The following FAM78B variants were observed in gnomAD, a reference collection of about 807,000 sequenced individuals.
The protein encoded by FAM78B is protein FAM78B.
Under a neutral mutation model 20.0 loss-of-function variants are expected in FAM78B, and 10 were observed. The ratio of observed to expected loss-of-function variants is 0.50; its 90% CI spans 0.31 to 0.85. The LOEUF (loss-of-function observed/expected upper bound fraction) is 0.85. Ranked by LOEUF, FAM78B falls within the 40% of genes least tolerant of loss-of-function variation. The pLI, the probability that FAM78B is intolerant of heterozygous loss-of-function variation, is 0.05. For synonymous variants in FAM78B, 135 were observed against 132.8 expected (o/e 1.02, Z -0.12); for missense variants, 283 against 345.0 (o/e 0.82, Z 1.42).
rs541333909 is a variant in FAM78B, at chr1:166,122,303, C to T, written c.263+43683G>A. ...AAAGCAGGAGAGATGGAAAACACCC[C>T]AGATGAGTAGGGTTTCTAACAGCCA... On this transcript the variant is annotated intron_variant, in intron 1 of 1. Transcript: ENST00000354422. Among the ~76,000 whole-genome samples the T allele has an allele frequency of 5.3e-5, 8 of 152,242 alleles. No homozygotes were observed. The South Asian group carries it at 1.7e-3, about 32-fold the overall frequency.
At chr1:166,089,764 A>G (rs1652991517) in intron 1 of FAM78B, among the ~76,000 whole-genome samples, 1 of 152,076 alleles carries the variant, frequency 6.6e-6, no homozygotes, top group Non-Finnish European at 1.5e-5. Context: ...TCCCTGTGTT[A>G]TGGGGTGGCC....
intron 1 of FAM78B, among the ~76,000 whole-genome samples, chr1:166,116,144 G>C (rs142259504): frequency 6.6e-6 from 1 of 152,162 alleles, no homozygotes; most frequent in Admixed American, 6.5e-5. Context: ...GCTTTCATGT[G>C]TCCTGTGGCT....
intron 1 of FAM78B, among the ~76,000 whole-genome samples, chr1:166,074,491 T>G (rs1652188988): frequency 6.6e-6 from 1 of 152,234 alleles, no homozygotes; most frequent in Admixed American, 6.5e-5. Flanking sequence ...GACTTATTTT[T>G]GAATCATTAG....
At chr1:166,103,455 G>A (rs1653614545) in intron 1 of FAM78B, among the ~76,000 whole-genome samples, 2 of 152,072 alleles carry the variant, frequency 1.3e-5, no homozygotes, top group African/African-American at 4.8e-5. Flanking sequence ...ATAGACGTTA[G>A]CAAGACTAAT....
chr1:166,114,217 C>T (rs1425980632), intron 1 of FAM78B, among the ~76,000 whole-genome samples: 1 of 152,194 alleles, frequency 6.6e-6, no homozygotes, highest in Non-Finnish European at 1.5e-5. Context: ...CATGATCCAA[C>T]TAAATTCTTG....
At chr1:166,099,817 C>A (rs571793762) in intron 1 of FAM78B, among the ~76,000 whole-genome samples, 1 of 152,224 alleles carries the variant, frequency 6.6e-6, no homozygotes, top group Admixed American at 6.5e-5. Context: ...GACAACAACA[C>A]AATAATGGTA....
In FAM78B at chr1:166,083,221, G is replaced by A. The variant is rs146223658; in HGVS notation, c.264-12458C>T. 3.5e-3 allele frequency among the ~76,000 whole-genome samples: 529 copies of A among 152,282 alleles called. 5 individuals carry two copies. Among genetic ancestry groups the A allele is most frequent in the Admixed American group, 7.7e-3 (117 of 15,292 alleles). Reference sequence around the variant, plus strand: ...CTTATCTATAGTTGTGGGACTATAGGAGTTTTCTCTTTATTTTGTGAATAT... The same window carrying A: ...CTTATCTATAGTTGTGGGACTATAGAAGTTTTCTCTTTATTTTGTGAATAT... On this transcript the variant is annotated intron_variant, in intron 1 of 1. Transcript: ENST00000354422.
Position 166,069,503 on chromosome 1 carries a change from G to A in FAM78B, c.*738C>T, listed in dbSNP as rs1365869780. On this transcript the variant is annotated 3_prime_UTR_variant, in exon 2 of 2. Transcript: ENST00000354422. ...TATTGCAGAATGTGGGAATTACAAA[G>A]CCAAATACTGTGATTAAAAATACTC... is the stretch of plus-strand genomic sequence containing the variant. The A allele has an allele frequency of 6.6e-6, 1 of 152,162 alleles. No homozygotes were observed. Among genetic ancestry groups the A allele is most frequent in the African/African-American group, 2.4e-5 (1 of 41,438 alleles). The allele number at this position is 152,162 out of a possible 1,614,324, so 9.4% of individuals were successfully genotyped here.
intron 1 of FAM78B, among the ~76,000 whole-genome samples, chr1:166,136,517 G>A (rs1401879101): frequency 1.3e-5 from 2 of 152,156 alleles, no homozygotes; most frequent in Admixed American, 1.3e-4. Flanking sequence ...TCTCATTCCA[G>A]TGTTATTATG....
In FAM78B at chr1:166,070,717, T is replaced by A. The variant is rs201590163; in HGVS notation, c.310A>T (p.Ile104Phe). The change falls in exon 2 of 2, where the codon ATC becomes TTC. Residue 104 changes from isoleucine to phenylalanine, a missense_variant. Coordinates refer to ENST00000354422, the MANE Select transcript of FAM78B (RefSeq NM_001017961.5). ...TAGCTCACCCCATCTGAGTCACTGA[T>A]GGCTTTTACTCTCCCTTCCCTCAAG... Reference protein sequence around the residue: ...PDLREGRVKAISDSDGVSYPW... With the variant: ...PDLREGRVKAFSDSDGVSYPW... 6.2e-7 allele frequency: 1 copy of A among 1,602,836 alleles called. No individual in the cohort carries two copies. The highest frequency in any genetic ancestry group is 8.5e-7 in the Non-Finnish European group (1 of 1,174,064).
In FAM78B at chr1:166,111,939, A is replaced by G. The variant is rs183758616; in HGVS notation, c.264-41176T>C. ...TCATAGAGATTTTGCCTAAGAGAATATAAGTTGAGTTCAGTTAAGTTGTGT... is the reference window on the plus strand; with the variant it reads ...TCATAGAGATTTTGCCTAAGAGAATGTAAGTTGAGTTCAGTTAAGTTGTGT... On this transcript the variant is annotated intron_variant, in intron 1 of 1. Transcript: ENST00000354422. 3.9e-5 allele frequency among the ~76,000 whole-genome samples: 6 copies of G among 152,296 alleles called. No individual in the cohort carries two copies. The East Asian group carries it at 1.2e-3, about 29-fold the overall frequency.
At chr1:166,109,880 ATGTATATATG>A (rs1232807563) in intron 1 of FAM78B, among the ~76,000 whole-genome samples, 295 of 14,604 alleles carry the variant, frequency 0.02, 39 homozygotes, top group South Asian at 0.036. Flanking sequence ...ATATATATAT[ATGTATATATG>A]TATATATATA....
At chr1:166,095,429 C>T (rs948885902) in intron 1 of FAM78B, among the ~76,000 whole-genome samples, 2 of 152,198 alleles carry the variant, frequency 1.3e-5, no homozygotes, top group African/African-American at 4.8e-5. Context: ...GGAACCAGGA[C>T]AGGCAGACAG....
At position 166,137,923 on chromosome 1, in the gene FAM78B, G is replaced by C. The variant is rs574591429; in HGVS notation, c.263+28063C>G. On this transcript the variant is annotated intron_variant, in intron 1 of 1. Coordinates refer to ENST00000354422, the MANE Select transcript of FAM78B (RefSeq NM_001017961.5). ...AGGTTAACAGCAGAAACAGACCCTG[G>C]TCCCCCTGTAGGCAGCTGGTCTCAG... is the stretch of plus-strand genomic sequence containing the variant. 9.5e-4 allele frequency among the ~76,000 whole-genome samples: 145 copies of C among 152,260 alleles called. 2 individuals carry two copies. The highest frequency in any genetic ancestry group is 3.3e-3 in the African/African-American group (136 of 41,542).
rs368578294 is a variant in FAM78B, at chr1:166,070,621, C to T, written c.406G>A (p.Val136Ile). The change falls in exon 2 of 2, where the codon GTC becomes ATC. Residue 136 changes from valine (V) to isoleucine (I), a missense_variant. By Grantham distance (29) the Val-to-Ile change is conservative (BLOSUM62 3). Coordinates refer to ENST00000354422, the MANE Select transcript of FAM78B (RefSeq NM_001017961.5). ...GPTNKISRFS[V>I]SMNDNFYPSV... ...GGGTAGAAGTTGTCATTCATGCTGA[C>T]GGAGAACCTGGAGATCTTGTTGGTG... The T allele has an allele frequency of 1.2e-4, 196 of 1,613,612 alleles. No individual in the cohort carries two copies. The highest frequency in any genetic ancestry group is 1.5e-4 in the Non-Finnish European group (179 of 1,180,026).
intron 1 of FAM78B, among the ~76,000 whole-genome samples, chr1:166,152,681 T>A (rs1054769178): frequency 6.6e-6 from 1 of 151,166 alleles, no homozygotes; most frequent in Admixed American, 6.6e-5. Flanking sequence ...TATTTATTTA[T>A]TTATTTATTT....
At chr1:166,156,190 C>T (rs536833770) in intron 1 of FAM78B, among the ~76,000 whole-genome samples, 2 of 152,228 alleles carry the variant, frequency 1.3e-5, no homozygotes, top group Non-Finnish European at 2.9e-5. Flanking sequence ...TGTTGATGTG[C>T]CATCCTTTAT....
chr1:166,165,904 A>T, intron 1 of FAM78B, 82 bp downstream of exon 1: 1 of 1,522,816 alleles, frequency 6.6e-7, no homozygotes. Context: ...AGCAGTAGGA[A>T]GGAGCTGGGG....
At chr1:166,140,513 T>C (rs752550756) in intron 1 of FAM78B, among the ~76,000 whole-genome samples, 1 of 152,238 alleles carries the variant, frequency 6.6e-6, no homozygotes, top group African/African-American at 2.4e-5. Context: ...ACTTCTTAAC[T>C]GAGCCAGAGC....
Sources: allele counts gnomAD v4.1 joint callset (sites outside exome capture counted in the v4.1 genomes callset), GRCh38; gene constraint gnomAD v4.1.1; transcripts MANE v1.5; gene names NCBI Gene and HGNC (gene_info 2026-07-23, HGNC 2026-07-21).